Variants in CCDC93 observed in about 807,000 individuals in gnomAD.
CCDC93 encodes the protein coiled-coil domain-containing protein 93.
A neutral mutation model predicts 108.2 loss-of-function variants in CCDC93; 61 were observed. The observed-to-expected ratio is 0.56, with a 90% confidence interval of 0.46 to 0.70. CCDC93 has a LOEUF of 0.70. Ranked by LOEUF, CCDC93 falls within the 30% of genes least tolerant of loss-of-function variation. CCDC93 has a pLI of 0.00. For missense variants in CCDC93, 685 were observed against 764.2 expected (o/e 0.90, Z 1.22); for synonymous variants, 276 against 260.4 (o/e 1.06, Z -0.58).
chr2:118,010,581 C>T (rs368165796), intron 1 of CCDC93, among the ~76,000 whole-genome samples: 1 of 152,020 alleles, frequency 6.6e-6, no homozygotes, highest in African/African-American at 2.4e-5. Flanking sequence ...CTTGCAAATG[C>T]TTCTTCATCT....
intron 13 of CCDC93, chr2:117,950,882 CT>C: frequency 1.0e-6 from 1 of 985,436 alleles, no homozygotes; most frequent in Non-Finnish European, 1.2e-6. Context: ...GCTGCATGGC[CT>C]CTCTGCCTTA....
At chr2:117,922,368 T>C (rs1014309417) in intron 23 of CCDC93, among the ~76,000 whole-genome samples, 1 of 152,192 alleles carries the variant, frequency 6.6e-6, no homozygotes, top group Non-Finnish European at 1.5e-5. Context: ...AGGGAAAATG[T>C]CTCATCACCT....
rs1558777900 is a variant in CCDC93, at chr2:117,949,313, A to G, written c.1142+9T>C. 1.2e-6 allele frequency: 2 copies of G among 1,602,030 alleles called. No homozygotes were observed. The highest frequency in any genetic ancestry group is 2.7e-5 in the African/African-American group (2 of 74,606). On this transcript the variant is annotated intron_variant, in intron 14 of 23. Coordinates refer to ENST00000376300, the MANE Select transcript of CCDC93 (RefSeq NM_019044.5). ...AAAGCAAAAATAAGCACATGCTGAA[A>G]CCTCTTACCTTGGATCAGCTTTGGA...
At chr2:117,976,092 T>C (rs1004701393) in intron 8 of CCDC93, among the ~76,000 whole-genome samples, 4 of 152,184 alleles carry the variant, frequency 2.6e-5, no homozygotes, top group African/African-American at 7.2e-5. Flanking sequence ...AATGCCCTTC[T>C]TGGACCATCC....
rs551124871 is a variant in CCDC93, at chr2:117,926,313, A to C, written c.1842+4724T>G. ...TAGAGACATAAAAAACCCTTCAAAA[A>C]ATCAATGAATCCAGGAGCTGGTTTT... On this transcript the variant is annotated intron_variant, in intron 23 of 23. Coordinates refer to ENST00000376300, the MANE Select transcript of CCDC93 (RefSeq NM_019044.5). Among the ~76,000 whole-genome samples the C allele has an allele frequency of 1.1e-4, 17 of 152,340 alleles. No homozygotes were observed. In the South Asian group the frequency reaches 3.3e-3, roughly 30 times the overall value.
chr2:117,924,963 G>A lies in CCDC93; in HGVS notation c.1843-4567C>T, dbSNP rs533329995. Among the ~76,000 whole-genome samples the A allele has an allele frequency of 3.9e-5, 6 of 152,286 alleles. No homozygotes were observed. The East Asian group carries it at 1.2e-3, about 29-fold the overall frequency. On this transcript the variant is annotated intron_variant, in intron 23 of 23. Transcript: ENST00000376300. ...CTCTACAAGCCAGAAGAGAGTGGGG[G>A]CCAATATTCAACATTCCTAAAGAAA...
Position 117,971,973 on chromosome 2 carries a change from C to T in CCDC93, c.888+1935G>A, listed in dbSNP as rs115300098. Among the ~76,000 whole-genome samples, 46 of 152,350 alleles carry T rather than the reference C, an allele frequency of 3.0e-4. 1 individual carries two copies. Among genetic ancestry groups the T allele is most frequent in the African/African-American group, 1.1e-3 (45 of 41,584 alleles). ...CTCCGCTTCTCCATTGGAAGTTTAA[C>T]TACAGTCATCTCTTAGTATATGTGG... On this transcript the variant is annotated intron_variant, in intron 11 of 23. Coordinates refer to ENST00000376300, the MANE Select transcript of CCDC93 (RefSeq NM_019044.5).
At chr2:117,951,333 T>C in intron 13 of CCDC93, 1 of 985,376 alleles carries the variant, frequency 1.0e-6, no homozygotes, top group Non-Finnish European at 1.2e-6. Flanking sequence ...GGCGTCTTTA[T>C]GAACAATGAG....
At chr2:117,935,885 C>A in intron 21 of CCDC93, 1 of 241,412 alleles carries the variant, frequency 4.1e-6, no homozygotes, top group East Asian at 8.1e-5. Flanking sequence ...TTAACAAAAA[C>A]ATTATTTATT....
chr2:117,930,997 C>G (rs1678306677), intron 23 of CCDC93, 40 bp downstream of exon 23: 2 of 1,336,578 alleles, frequency 1.5e-6, no homozygotes, highest in African/African-American at 2.9e-5. Context: ...GAACATATAT[C>G]TCACGTTAGC....
At chr2:117,950,287 A>G (rs1679012033) in intron 13 of CCDC93, 1 of 985,110 alleles carries the variant, frequency 1.0e-6, no homozygotes, top group Admixed American at 6.1e-5. Context: ...CAACAAGTCA[A>G]TTCTGATCTT....
chr2:117,981,493 C>G (rs1296122265), intron 7 of CCDC93, among the ~76,000 whole-genome samples: 3 of 152,210 alleles, frequency 2.0e-5, no homozygotes, highest in Admixed American at 1.3e-4. Context: ...TCTTCTTTAG[C>G]TCTGATTCTT....
chr2:117,997,750 C>T (rs1573525663), intron 4 of CCDC93: 1 of 152,220 alleles, frequency 6.6e-6, no homozygotes, highest in African/African-American at 2.4e-5. Flanking sequence ...ATTGTAGTCC[C>T]TCACCTGTAC....
At chr2:117,952,280 A>G in intron 13 of CCDC93, 93 bp downstream of exon 13, 1 of 878,434 alleles carries the variant, frequency 1.1e-6, no homozygotes, top group Non-Finnish European at 2.0e-6. Context: ...TCTCCCACAC[A>G]CAGACCGATG....
intron 6 of CCDC93, among the ~76,000 whole-genome samples, chr2:117,989,754 A>T (rs1025720508): frequency 6.6e-6 from 1 of 152,236 alleles, no homozygotes. Flanking sequence ...ATTTAATAGT[A>T]CCTGACATAT....
chr2:117,943,107 T>TAG (rs780465605), intron 18 of CCDC93, among the ~76,000 whole-genome samples: 3 of 152,328 alleles, frequency 2.0e-5, no homozygotes, highest in South Asian at 4.1e-4. Context: ...ACTCAGGCCC[T>TAG]TGCCCTCAGC....
chr2:117,927,739 C>G (rs1426166049), intron 23 of CCDC93, among the ~76,000 whole-genome samples: 1 of 152,142 alleles, frequency 6.6e-6, no homozygotes, highest in African/African-American at 2.4e-5. Flanking sequence ...TGACTTTCTT[C>G]ACAGAATTGG....
chr2:117,944,933 G>A, intron 17 of CCDC93: 2 of 394,674 alleles, frequency 5.1e-6, no homozygotes, highest in South Asian at 3.8e-5. Flanking sequence ...GGAGAGCACT[G>A]GTTTAACTCA....
intron 14 of CCDC93, 129 bp from the exon 15 acceptor site, chr2:117,948,315 C>T (rs1678942785): frequency 3.1e-6 from 2 of 636,716 alleles, no homozygotes; most frequent in South Asian, 1.9e-5. Context: ...AAGAGTGTCT[C>T]ACAGATTCTG....
Sources: gnomAD v4.1 joint callset for allele counts (sites outside exome capture counted in the v4.1 genomes callset) on GRCh38, gnomAD v4.1.1 for gene constraint, MANE v1.5 for transcripts, NCBI Gene and HGNC (gene_info 2026-07-23, HGNC 2026-07-21) for gene names.